BRD4: variants seen among roughly 807,000 people sequenced by gnomAD.
The protein encoded by BRD4 is bromodomain-containing protein 4.
BRD4 carries 16 observed loss-of-function variants against 142.1 expected under a neutral mutation model. The ratio of observed to expected loss-of-function variants is 0.11; its 90% CI spans 0.08 to 0.17. The LOEUF (loss-of-function observed/expected upper bound fraction) is 0.17. BRD4 is among the 10% of genes least tolerant of loss of function. BRD4 has a pLI of 1.00. For missense variants in BRD4, 1,424 were observed against 1,810.9 expected, an observed-to-expected ratio of 0.79 and a Z score of 3.88; for synonymous variants, 833 against 707.5, an observed-to-expected ratio of 1.18 and a Z score of -2.82.
chr19:15,308,115 CAA>C (rs57642262), intron 1 of BRD4, among the ~76,000 whole-genome samples: 1 of 21,180 alleles, frequency 4.7e-5, no homozygotes, highest in Non-Finnish European at 7.0e-5. Flanking sequence ...GACTCCGTCT[CAA>C]AAAAAAAAAA....
rs200270814 is a variant in BRD4 at position 15,239,211 on chromosome 19, C to G, written c.3630G>C (p.Pro1210=). 1.2e-6 allele frequency: 2 copies of G among 1,612,976 alleles called. No homozygotes were observed. The highest frequency in any genetic ancestry group is 1.7e-6 in the Non-Finnish European group (2 of 1,180,014). Residue 1210 remains proline (P), a synonymous_variant, in exon 18 of 20, where the codon CCG becomes CCC. Coordinates refer to ENST00000679869, the MANE Select transcript of BRD4 (RefSeq NM_001379291.1). The surrounding 1 kb of genome is among the most constrained non-coding windows in gnomAD (Gnocchi z 7.4). ...GSWASLVQKH[P]TTPSSTAKSS... is the part of the protein sequence containing the mutation. ...ACTTGGCTGTGGAGGAGGGGGTGGT[C>G]GGATGCTTCTGCACTAGGCTGGCCC... is the stretch of plus-strand genomic sequence containing the variant.
chr19:15,305,378 G>A (rs1256519401), intron 1 of BRD4, among the ~76,000 whole-genome samples: 14 of 152,166 alleles, frequency 9.2e-5, no homozygotes, highest in Admixed American at 9.2e-4. Context: ...CTTGAAAGGT[G>A]AAACTGATCC....
At chr19:15,298,477 CCGGCACGGTGGCAGGCG>C (rs2145682484) in intron 1 of BRD4, among the ~76,000 whole-genome samples, 1 of 151,810 alleles carries the variant, frequency 6.6e-6, no homozygotes, top group Non-Finnish European at 1.5e-5. Flanking sequence ...AAAAATTAGC[CCGGCACGGTGGCAGGCG>C]CCTGTAGTCC....
At chr19:15,257,579 G>A (rs2047425820) in intron 7 of BRD4, among the ~76,000 whole-genome samples, 1 of 152,092 alleles carries the variant, frequency 6.6e-6, no homozygotes, top group Admixed American at 6.5e-5. Context: ...AGCAGGAGTT[G>A]TCTGTGGTTT....
chr19:15,274,304 G>A (rs1049585987), intron 1 of BRD4, among the ~76,000 whole-genome samples: 26 of 152,188 alleles, frequency 1.7e-4, no homozygotes, highest in Non-Finnish European at 3.2e-4. Flanking sequence ...TGTGGAGTAG[G>A]CTGGAGAGGG....
chr19:15,315,940 G>A (rs966187997), intron 1 of BRD4, among the ~76,000 whole-genome samples: 14 of 150,730 alleles, frequency 9.3e-5, no homozygotes, highest in Non-Finnish European at 1.9e-4. Flanking sequence ...CGGATCACGA[G>A]GTCAGGAGAT....
In BRD4 at chr19:15,264,388, G is replaced by A. The variant is rs1234850703; in HGVS notation, c.1212+16C>T. 2 of 1,579,706 alleles carry A rather than the reference G, an allele frequency of 1.3e-6. No homozygotes were observed. Among genetic ancestry groups the A allele is most frequent in the Admixed American group, 1.7e-5 (1 of 58,540 alleles). On this transcript the variant is annotated intron_variant, in intron 6 of 19. Coordinates refer to ENST00000679869, the MANE Select transcript of BRD4 (RefSeq NM_001379291.1). ...CCTGCCCACCTTGTCCCTTCCCTCA[G>A]GCACATCCCGCTAACCTTGATTGTG...
At chr19:15,253,560 G>C (rs1568382544) in intron 11 of BRD4, 10 of 1,561,902 alleles carry the variant, frequency 6.4e-6, no homozygotes, top group Non-Finnish European at 8.6e-6. Flanking sequence ...GGCAGATTCA[G>C]GAGCAGCCAA....
rs2047350251 is a variant in BRD4, at chr19:15,251,790, C to A, written c.2158+2362G>T. 4.6e-5 allele frequency among the ~76,000 whole-genome samples: 7 copies of A among 152,318 alleles called. No individual in the cohort carries two copies. The South Asian group carries it at 1.4e-3, about 32-fold the overall frequency. On this transcript the variant is annotated intron_variant, in intron 11 of 19. Coordinates refer to ENST00000679869, the MANE Select transcript of BRD4 (RefSeq NM_001379291.1). ...AGCACCCTGCCGGCCCACGACAGAG[C>A]TCACTCAGTGCACACAGAAGGCAAA...
intron 11 of BRD4, chr19:15,253,593 G>T (rs1020240096): frequency 1.3e-5 from 21 of 1,589,842 alleles, no homozygotes; most frequent in Non-Finnish European, 1.7e-5. Flanking sequence ...CACACTCTGG[G>T]GAGGGGTAGG....
At chr19:15,253,614 G>C in intron 11 of BRD4, 1 of 1,595,254 alleles carries the variant, frequency 6.3e-7, no homozygotes, top group Non-Finnish European at 8.5e-7. Context: ...CAATGGCTGG[G>C]GCCCAGGTGA....
intron 11 of BRD4, 127 bp from the exon 12 acceptor site, chr19:15,244,889 C>G (rs1378973346): frequency 5.3e-6 from 8 of 1,519,482 alleles, no homozygotes; most frequent in Non-Finnish European, 7.1e-6. Flanking sequence ...AAAGGGCAGC[C>G]GAGTTCAATG....
chr19:15,273,262 A>AG (rs757488270), intron 1 of BRD4, 129 bp from the exon 2 acceptor site: 149 of 858,034 alleles, frequency 1.7e-4, no homozygotes, highest in Non-Finnish European at 1.9e-4. Flanking sequence ...AGTTGGCCAG[A>AG]GGGACCACCC....
At chr19:15,265,143 G>A (rs2047518108) in intron 5 of BRD4, among the ~76,000 whole-genome samples, 1 of 152,198 alleles carries the variant, frequency 6.6e-6, no homozygotes, top group Admixed American at 6.5e-5. Context: ...GAGGTGCAGG[G>A]GGCAGGAACC....
Position 15,239,757 on chromosome 19 carries a change from T to C in BRD4, c.3347A>G (p.His1116Arg), listed in dbSNP as rs775177082. 1.2e-6 allele frequency: 2 copies of C among 1,609,476 alleles called. No individual in the cohort carries two copies. Among genetic ancestry groups the C allele is most frequent in the African/African-American group, 1.3e-5 (1 of 74,700 alleles). The part of the protein sequence containing the change: ...PLVVVKEEKI[H>R]SPIIRSEPFS... ...GGGCTCGCTGCGGATGATGGGTGAGTGGATCTTCTCCTCCTTCACCACCAC... is the reference window on the plus strand; with the variant it reads ...GGGCTCGCTGCGGATGATGGGTGAGCGGATCTTCTCCTCCTTCACCACCAC... The change falls in exon 16 of 20, where the codon CAC (histidine) becomes CGC (arginine). Residue 1116 changes from histidine (H) to arginine (R), a missense_variant. Around this residue, in one of 16 missense-constraint regions of BRD4, gnomAD observed 598 missense variants for 647.8 expected, o/e 0.92. Coordinates refer to ENST00000679869, the MANE Select transcript of BRD4 (RefSeq NM_001379291.1). This position sits in a 1 kb window ranked among gnomAD's most constrained non-coding sequence, Gnocchi z 7.4.
At chr19:15,246,930 G>A (rs776729762) in intron 11 of BRD4, 1 of 174,406 alleles carries the variant, frequency 5.7e-6, no homozygotes, top group Non-Finnish European at 1.2e-5. Context: ...GGCCCATGTG[G>A]TCTGAGCCTT....
At chr19:15,246,337 C>T (rs2047286007) in intron 11 of BRD4, among the ~76,000 whole-genome samples, 1 of 152,080 alleles carries the variant, frequency 6.6e-6, no homozygotes, top group Non-Finnish European at 1.5e-5. Flanking sequence ...GGGGACCCTG[C>T]ACACTAGGGA....
intron 7 of BRD4, among the ~76,000 whole-genome samples, chr19:15,262,072 G>A (rs1398384745): frequency 6.6e-6 from 1 of 152,178 alleles, no homozygotes; most frequent in Non-Finnish European, 1.5e-5. Context: ...CTGATCCACA[G>A]AGAATAGGAG....
intron 1 of BRD4, among the ~76,000 whole-genome samples, chr19:15,315,346 G>A (rs1294102672): frequency 1.3e-5 from 2 of 152,146 alleles, no homozygotes; most frequent in African/African-American, 4.8e-5. Flanking sequence ...TAGGATCCCT[G>A]AAACACCTGC....
Sources: gnomAD v4.1 joint callset for allele counts (sites outside exome capture counted in the v4.1 genomes callset) on GRCh38, gnomAD v4.1.1 for gene constraint, gnomAD v4.1.1 regional missense constraint, Gnocchi (gnomAD v3.1) non-coding constraint, MANE v1.5 for transcripts, NCBI Gene and HGNC (gene_info 2026-07-23, HGNC 2026-07-21) for gene names.